The following PICALM variants were observed in gnomAD, a reference collection of about 807,000 sequenced individuals.
PICALM encodes the protein phosphatidylinositol binding clathrin assembly protein.
In PICALM, 40 loss-of-function variants were observed where a neutral mutation model predicts 80.5. The observed-to-expected ratio is 0.50, with a 90% CI of 0.39 to 0.65. PICALM has a LOEUF of 0.65. PICALM is among the 30% of genes least tolerant of loss of function. The probability of loss-of-function intolerance (pLI) is 0.00; values close to 1 mark genes in which losing one functional copy is unlikely to be tolerated. For synonymous variants in PICALM, 288 were observed against 260.3 expected (o/e 1.11, Z -1.02); for missense variants, 676 against 778.9 (o/e 0.87, Z 1.57).
intron 9 of PICALM, among the ~76,000 whole-genome samples, chr11:86,001,498 T>C (rs557228320): frequency 6.6e-6 from 1 of 152,296 alleles, no homozygotes; most frequent in Admixed American, 6.5e-5. Context: ...ACAAAATCCC[T>C]GATGGGAAAA....
chr11:86,066,759 CA>C (rs766669802), intron 1 of PICALM, among the ~76,000 whole-genome samples: 1 of 140,008 alleles, frequency 7.1e-6, no homozygotes, highest in Non-Finnish European at 1.6e-5. Context: ...AAAAAAAAAA[CA>C]AAAAAAAACC....
At chr11:86,023,664 T>C in intron 3 of PICALM, 1 of 612,910 alleles carries the variant, frequency 1.6e-6, no homozygotes, top group African/African-American at 2.0e-5. Flanking sequence ...ATGCATAAAC[T>C]CTGCCTAGAG....
Position 85,959,094 on chromosome 11 carries a change from T to C in PICALM, c.1945-34A>G, listed in dbSNP as rs774260800. The C allele has an allele frequency of 3.4e-6, 5 of 1,459,732 alleles. No individual in the cohort carries two copies. In the African/African-American group the frequency reaches 4.2e-5, roughly 12 times the overall value. The allele number at this position is 1,459,732 out of a possible 1,614,324, so 90.4% of individuals were successfully genotyped here. On this transcript the variant is annotated intron_variant, in intron 19 of 19. Transcript: ENST00000393346. ...AAAAAGTGGGTATGTTAATTCATTGTATTGTAGGATGTCTTCTCATAAATA... is the reference window on the plus strand; with the variant it reads ...AAAAAGTGGGTATGTTAATTCATTGCATTGTAGGATGTCTTCTCATAAATA...
chr11:85,985,148 C>T (rs1198697407), intron 13 of PICALM, among the ~76,000 whole-genome samples: 1 of 152,142 alleles, frequency 6.6e-6, no homozygotes, highest in Non-Finnish European at 1.5e-5. Flanking sequence ...TCCCTTTCTT[C>T]CCCTCCTCTA....
chr11:86,024,240 G>A (rs189407808), intron 3 of PICALM, among the ~76,000 whole-genome samples: 5 of 151,478 alleles, frequency 3.3e-5, no homozygotes, highest in East Asian at 1.9e-4. Context: ...TTAGAGCGCC[G>A]TAACTCTTGT....
chr11:86,001,359 A>G (rs2095138120), intron 9 of PICALM, among the ~76,000 whole-genome samples: 1 of 152,210 alleles, frequency 6.6e-6, no homozygotes, highest in African/African-American at 2.4e-5. Context: ...TCTTGACTTA[A>G]TATACACTCA....
intron 1 of PICALM, among the ~76,000 whole-genome samples, chr11:86,033,506 G>A (rs564999854): frequency 2.0e-5 from 3 of 151,892 alleles, no homozygotes; most frequent in African/African-American, 4.8e-5. Flanking sequence ...TGCTCCCTTC[G>A]CTTCCTTCCC....
At chr11:85,974,859 A>C in intron 18 of PICALM, 47 bp from the exon 19 acceptor site, 5 of 1,244,330 alleles carry the variant, frequency 4.0e-6, no homozygotes, top group Non-Finnish European at 5.9e-6. Context: ...TATCTTCCTT[A>C]TTGTGACTAA....
At chr11:86,036,614 T>A (rs1205751904) in intron 1 of PICALM, among the ~76,000 whole-genome samples, 1 of 152,204 alleles carries the variant, frequency 6.6e-6, no homozygotes, top group East Asian at 1.9e-4. Flanking sequence ...CTAAGGGACC[T>A]AATTCATAAT....
intron 6 of PICALM, among the ~76,000 whole-genome samples, chr11:86,011,955 A>G (rs1437742575): frequency 6.6e-6 from 1 of 151,730 alleles, no homozygotes; most frequent in East Asian, 1.9e-4. Context: ...GGTTCAAGCA[A>G]TTCTCCTGCC....
At chr11:86,004,888 G>T (rs1355068949) in intron 8 of PICALM, among the ~76,000 whole-genome samples, 2 of 152,120 alleles carry the variant, frequency 1.3e-5, no homozygotes, top group Non-Finnish European at 2.9e-5. Flanking sequence ...GTTGAACTGA[G>T]AGTATACATA....
intron 12 of PICALM, among the ~76,000 whole-genome samples, chr11:85,991,054 T>C (rs1310939536): frequency 6.6e-6 from 1 of 152,186 alleles, no homozygotes; most frequent in African/African-American, 2.4e-5. Flanking sequence ...ACAAAAGTGT[T>C]GTTTGCCTAC....
At chr11:85,961,746 A>G (rs2093695362) in intron 19 of PICALM, among the ~76,000 whole-genome samples, 1 of 152,230 alleles carries the variant, frequency 6.6e-6, no homozygotes, top group South Asian at 2.1e-4. Flanking sequence ...GGGATGTCCT[A>G]GTGAGTAATA....
intron 18 of PICALM, 83 bp downstream of exon 18, chr11:85,976,540 C>T (rs1415239482): frequency 2.3e-6 from 2 of 862,252 alleles, no homozygotes; most frequent in African/African-American, 1.7e-5. Context: ...GCACTAAATT[C>T]TTTTTTAGGT....
intron 8 of PICALM, among the ~76,000 whole-genome samples, chr11:86,005,440 C>T (rs962712142): frequency 6.6e-6 from 1 of 152,106 alleles, no homozygotes; most frequent in African/African-American, 2.4e-5. Flanking sequence ...TGACTCACAC[C>T]TGTAATCCCA....
Position 86,068,703 on chromosome 11 carries a change from T to C in PICALM, c.78A>G (p.Val26=), listed in dbSNP as rs747969042. 5.6e-6 allele frequency: 9 copies of C among 1,612,994 alleles called. No homozygotes were observed. Among genetic ancestry groups the C allele is most frequent in the Non-Finnish European group, 7.6e-6 (9 of 1,179,660 alleles). ...TGATCTCGTGGGTCGTGGCCTTGCA[T>C]ACTGTCTTGGATACGGCAGAGCCGG... ...SVTGSAVSKT[V]CKATTHEIMG... Residue 26 remains valine, a synonymous_variant, in exon 1 of 20, where the codon GTA becomes GTG. Transcript: ENST00000393346.
chr11:86,035,939 C>G (rs2095834503), intron 1 of PICALM, among the ~76,000 whole-genome samples: 1 of 133,800 alleles, frequency 7.5e-6, no homozygotes, highest in East Asian at 2.1e-4. Flanking sequence ...CAGAGCGAGA[C>G]TCTGCCTCAA....
chr11:85,977,763 C>A lies in PICALM; in HGVS notation c.1780-1081G>T, dbSNP rs529491103. ...TTGTTATTTTAAACATTACCACAAT[C>A]AACATTTCCCTTCATTCAGAAGTCA... On this transcript the variant is annotated intron_variant, in intron 17 of 19. Coordinates refer to ENST00000393346, the MANE Select transcript of PICALM (RefSeq NM_007166.4). 3.3e-5 allele frequency among the ~76,000 whole-genome samples: 5 copies of A among 152,308 alleles called. No individual in the cohort carries two copies. In the South Asian group the frequency reaches 1.0e-3, roughly 32 times the overall value.
At chr11:85,967,692 T>C (rs574114634) in intron 19 of PICALM, among the ~76,000 whole-genome samples, 1 of 152,218 alleles carries the variant, frequency 6.6e-6, no homozygotes, top group African/African-American at 2.4e-5. Context: ...ATACTCACAA[T>C]TAACACACCA....
Sources: allele counts gnomAD v4.1 joint callset (sites outside exome capture counted in the v4.1 genomes callset), GRCh38; gene constraint gnomAD v4.1.1; transcripts MANE v1.5; gene names NCBI Gene and HGNC (gene_info 2026-07-23, HGNC 2026-07-21).